The following MAP4K4 variants were observed in gnomAD, a reference collection of about 807,000 sequenced individuals.
MAP4K4 encodes the protein HPK/GCK-like kinase HGK.
A neutral mutation model predicts 189.6 loss-of-function variants in MAP4K4; 38 were observed. The ratio of observed to expected loss-of-function variants is 0.20; its 90% CI spans 0.15 to 0.26. The LOEUF (loss-of-function observed/expected upper bound fraction) is 0.26. MAP4K4 is among the 10% of genes least tolerant of loss of function. The pLI, the probability that MAP4K4 is intolerant of heterozygous loss-of-function variation, is 1.00. For missense variants in MAP4K4, 1,054 were observed against 1,726.9 expected, an observed-to-expected ratio of 0.61 and a Z score of 6.91; for synonymous variants, 610 against 624.3, an observed-to-expected ratio of 0.98 and a Z score of 0.34.
exon 33 of MAP4K4, chr2:101,893,244 G>A (rs1053653599): frequency 1.1e-5 from 5 of 456,416 alleles, no homozygotes; most frequent in African/African-American, 4.0e-5. Context: ...TGGTGGTTTT[G>A]TGTATACCTG....
At chr2:101,817,266 C>G (rs931665317) in intron 3 of MAP4K4, among the ~76,000 whole-genome samples, 2 of 152,064 alleles carry the variant, frequency 1.3e-5, no homozygotes, top group African/African-American at 4.8e-5. Context: ...CTAATAGTTT[C>G]TTTTAGATCC....
chr2:101,726,131 T>C (rs1307851740), intron 2 of MAP4K4, among the ~76,000 whole-genome samples: 1 of 152,260 alleles, frequency 6.6e-6, no homozygotes, highest in Non-Finnish European at 1.5e-5. Flanking sequence ...CATCTCTTAC[T>C]CTTTACTGTG....
chr2:101,891,090 A>G, intron 32 of MAP4K4, 76 bp from the exon 33 acceptor site: 5 of 1,125,114 alleles, frequency 4.4e-6, no homozygotes, highest in Non-Finnish European at 6.8e-6. Context: ...GTTGAGGATG[A>G]TGGTGGCTTA....
intron 10 of MAP4K4, 34 bp downstream of exon 10, chr2:101,840,028 A>G (rs1559144111): frequency 6.4e-7 from 1 of 1,556,730 alleles, no homozygotes; most frequent in Non-Finnish European, 8.6e-7. Context: ...ATCCTTTAAA[A>G]TTTTTATGTT....
chr2:101,784,290 G>GTGTGTGTGTGTGTGTGTA (rs2089498911), intron 2 of MAP4K4, among the ~76,000 whole-genome samples: 1 of 121,190 alleles, frequency 8.3e-6, no homozygotes, highest in Non-Finnish European at 1.7e-5. Flanking sequence ...GTGTGTGTAT[G>GTGTGTGTGTGTGTGTGTA]TGTGTGTGTG....
chr2:101,792,253 A>G (rs974148290), intron 3 of MAP4K4, among the ~76,000 whole-genome samples: 2 of 152,154 alleles, frequency 1.3e-5, no homozygotes, highest in Non-Finnish European at 2.9e-5. Flanking sequence ...CGGTCTTTGC[A>G]TATTTATTAA....
chr2:101,766,784 T>C (rs1460565370), intron 2 of MAP4K4, among the ~76,000 whole-genome samples: 1 of 152,208 alleles, frequency 6.6e-6, no homozygotes, highest in Non-Finnish European at 1.5e-5. Flanking sequence ...ACCTTCTTTA[T>C]GTTACTGGTG....
chr2:101,871,777 AC>A, intron 24 of MAP4K4, 92 bp downstream of exon 24: 2 of 1,173,912 alleles, frequency 1.7e-6, no homozygotes, highest in Non-Finnish European at 2.4e-6. Flanking sequence ...CAACACCCTC[AC>A]CCCTTCCCTT....
chr2:101,828,392 A>G (rs2096456901), intron 5 of MAP4K4, among the ~76,000 whole-genome samples: 1 of 152,238 alleles, frequency 6.6e-6, no homozygotes, highest in South Asian at 2.1e-4. Context: ...GTTCCTAACT[A>G]TAGCAATAAG....
intron 18 of MAP4K4, among the ~76,000 whole-genome samples, chr2:101,865,268 TA>T (rs2097779241): frequency 6.6e-6 from 1 of 152,218 alleles, no homozygotes. Flanking sequence ...AAATTTAAAC[TA>T]CTTTTCTCTG....
intron 2 of MAP4K4, among the ~76,000 whole-genome samples, chr2:101,704,291 C>T (rs1464740795): frequency 6.6e-6 from 1 of 151,948 alleles, no homozygotes; most frequent in Non-Finnish European, 1.5e-5. Context: ...TGGGAGGAAG[C>T]CAGCCCTGTT....
At chr2:101,799,722 C>T (rs2094184396) in intron 3 of MAP4K4, among the ~76,000 whole-genome samples, 5 of 151,930 alleles carry the variant, frequency 3.3e-5, no homozygotes, top group Non-Finnish European at 7.4e-5. Context: ...CTACCTCAGC[C>T]TCCTGAGTAG....
At position 101,819,095 on chromosome 2, in the gene MAP4K4, T is replaced by C. The variant is rs79460843; in HGVS notation, c.181-4833T>C. ...CTCTATGTAGTTTTGCCAACTCAACTTTCTTTTTGTATATGGGATTTGTTG... is the reference window on the plus strand; with the variant it reads ...CTCTATGTAGTTTTGCCAACTCAACCTTCTTTTTGTATATGGGATTTGTTG... On this transcript the variant is annotated intron_variant, in intron 3 of 32. Transcript: ENST00000324219. Among the ~76,000 whole-genome samples, 175 of 152,276 alleles carry C rather than the reference T, an allele frequency of 1.1e-3. 4 individuals carry two copies. In the East Asian group the frequency reaches 0.031, roughly 27 times the overall value.
exon 33 of MAP4K4, chr2:101,893,841 G>A (rs1448004093): frequency 6.5e-6 from 1 of 152,834 alleles, no homozygotes; most frequent in Non-Finnish European, 1.5e-5. Flanking sequence ...TGCAGCTCCA[G>A]GCACCCGGTG....
At chr2:101,776,243 A>G (rs767857965) in intron 2 of MAP4K4, among the ~76,000 whole-genome samples, 112 of 152,308 alleles carry the variant, frequency 7.4e-4, no homozygotes, top group African/African-American at 2.5e-3. Context: ...ACTCCCAGCA[A>G]CAACAACAAA....
chr2:101,870,355 T>C (rs1427909212), exon 23 of MAP4K4: 1 of 1,613,740 alleles, frequency 6.2e-7, no homozygotes, highest in Admixed American at 1.7e-5. Flanking sequence ...TTGTCCATGA[T>C]GATGTAGAAA....
intron 2 of MAP4K4, among the ~76,000 whole-genome samples, chr2:101,701,664 T>C (rs1573735297): frequency 6.6e-6 from 1 of 152,164 alleles, no homozygotes; most frequent in South Asian, 2.1e-4. Flanking sequence ...GTGTATTCTG[T>C]TTAGAGAAAT....
chr2:101,793,293 A>T (rs1189910805), intron 3 of MAP4K4, among the ~76,000 whole-genome samples: 1 of 152,248 alleles, frequency 6.6e-6, no homozygotes, highest in African/African-American at 2.4e-5. Context: ...CCTTTGCTAT[A>T]GCATGGGGCA....
intron 2 of MAP4K4, among the ~76,000 whole-genome samples, chr2:101,741,495 C>T (rs536547964): frequency 2.0e-5 from 3 of 152,116 alleles, no homozygotes; most frequent in East Asian, 1.9e-4. Context: ...TTAAGGATAT[C>T]GCAGACTCCA....
Sources: allele counts gnomAD v4.1 joint callset (sites outside exome capture counted in the v4.1 genomes callset), GRCh38; gene constraint gnomAD v4.1.1; transcripts MANE v1.5; gene names NCBI Gene and HGNC (gene_info 2026-07-23, HGNC 2026-07-21).